The following NINL variants were observed in gnomAD, a reference collection of about 807,000 sequenced individuals.
NINL encodes the protein ninein-like protein.
NINL carries 153 observed loss-of-function variants against 160.3 expected under a neutral mutation model. The ratio of observed to expected loss-of-function variants is 0.95; its 90% CI spans 0.84 to 1.09. The LOEUF is 1.09. NINL is among the 50% of genes least tolerant of loss of function. The pLI is 0.00. For synonymous variants in NINL, 800 were observed against 734.8 expected (o/e 1.09, Z -1.43); for missense variants, 1,829 against 1,764.0 (o/e 1.04, Z -0.66).
chr20:25,511,019 T>A (rs2064060393), intron 4 of NINL, among the ~76,000 whole-genome samples: 1 of 152,116 alleles, frequency 6.6e-6, no homozygotes, highest in Non-Finnish European at 1.5e-5. Context: ...AACCCAGTCA[T>A]CAACAGTTGA....
At chr20:25,503,293 C>T (rs2063902581) in intron 7 of NINL, among the ~76,000 whole-genome samples, 1 of 145,848 alleles carries the variant, frequency 6.9e-6, no homozygotes, top group South Asian at 2.3e-4. Flanking sequence ...ATGTTCCTCA[C>T]CTGAGCACTG....
intron 1 of NINL, among the ~76,000 whole-genome samples, chr20:25,573,761 CCT>C (rs758673528): frequency 1.1e-4 from 17 of 152,160 alleles, no homozygotes; most frequent in Non-Finnish European, 1.8e-4. Flanking sequence ...TGCAGTTTCC[CCT>C]GAGTCAACTA....
intron 14 of NINL, among the ~76,000 whole-genome samples, chr20:25,480,877 C>T (rs1373365215): frequency 1.3e-5 from 2 of 152,160 alleles, no homozygotes; most frequent in Admixed American, 1.3e-4. Context: ...AGGCACCACC[C>T]TGGGTGCAGG....
At position 25,470,004 on chromosome 20, in the gene NINL, G is replaced by A. The variant is rs905794737; in HGVS notation, c.3340C>T (p.His1114Tyr). The A allele has an allele frequency of 1.2e-6, 2 of 1,613,944 alleles. No homozygotes were observed. The highest frequency in any genetic ancestry group is 1.7e-6 in the Non-Finnish European group (2 of 1,179,804). The change falls in exon 18 of 24, where the codon CAC becomes TAC. Residue 1114 changes from histidine (H) to tyrosine (Y), a missense_variant. By Grantham distance (83) the His-to-Tyr change is moderately conservative. Transcript: ENST00000278886. ...CGTGGCCCTTACCTCTGTGCATCGT[G>A]AGTACTTTCTGCAGCTTCAAGCTCT... ...RQELEAAEST[H>Y]DAQRKEIEVL...
intron 17 of NINL, among the ~76,000 whole-genome samples, chr20:25,471,638 C>T (rs570986588): frequency 2.6e-4 from 39 of 152,320 alleles, no homozygotes; most frequent in Admixed American, 1.7e-3. Flanking sequence ...GAAACCAACG[C>T]GTGAGCACTA....
chr20:25,523,191 AGATGT>A (rs2146944817), intron 2 of NINL, among the ~76,000 whole-genome samples: 1 of 152,260 alleles, frequency 6.6e-6, no homozygotes, highest in African/African-American at 2.4e-5. Context: ...TGTTCAATAG[AGATGT>A]GACCATCCTT....
At chr20:25,500,668 A>T (rs1245253114) in intron 8 of NINL, among the ~76,000 whole-genome samples, 172 bp downstream of exon 8, 1 of 152,200 alleles carries the variant, frequency 6.6e-6, no homozygotes, top group African/African-American at 2.4e-5. Flanking sequence ...ATATTTTAGT[A>T]ACAAAAATTA....
chr20:25,469,930 G>A lies in NINL; in HGVS notation c.3353+61C>T, dbSNP rs6083870. 7 of 1,119,084 alleles carry A rather than the reference G, an allele frequency of 6.3e-6. No homozygotes were observed. In the South Asian group the frequency reaches 7.4e-5, roughly 12 times the overall value. The allele number at this position is 1,119,084 out of a possible 1,614,324, so 69.3% of individuals were successfully genotyped here. A position where few individuals can be genotyped will look rare whatever the true frequency, so the allele number is the denominator to read the frequency against. On this transcript the variant is annotated intron_variant, in intron 18 of 23. Transcript: ENST00000278886. ...CACTGTCTATATGGAGACTGCATAA[G>A]GTCACTCTACGGAGGGCAAAACGCA...
intron 2 of NINL, among the ~76,000 whole-genome samples, chr20:25,523,600 C>T (rs2064300935): frequency 6.6e-6 from 1 of 151,650 alleles, no homozygotes; most frequent in Non-Finnish European, 1.5e-5. Flanking sequence ...TATATAATAT[C>T]ATATATGATA....
At chr20:25,486,539 C>G (rs1445704538) in intron 13 of NINL, among the ~76,000 whole-genome samples, 1 of 152,218 alleles carries the variant, frequency 6.6e-6, no homozygotes, top group Non-Finnish European at 1.5e-5. Context: ...AGCACACCAT[C>G]TGGACCCCAT....
In NINL at chr20:25,476,659, G is replaced by T; in HGVS notation, c.2632C>A (p.Arg878Ser). 6.3e-7 allele frequency: 1 copy of T among 1,587,630 alleles called. No homozygotes were observed. Residue 878 changes from arginine (R) to serine (S), a missense_variant, in exon 17 of 24, where the codon CGC becomes AGC. By Grantham distance (110) the Arg-to-Ser change is moderately radical. Coordinates refer to ENST00000278886, the MANE Select transcript of NINL (RefSeq NM_025176.6). ...TCTGTGTCCTGGGCTTGCCTGCGGCGAGGCCCGGCTCCTGCCGCCTCCTCA... is the reference window on the plus strand; with the variant it reads ...TCTGTGTCCTGGGCTTGCCTGCGGCTAGGCCCGGCTCCTGCCGCCTCCTCA... ...ESEEAAGAGPRRRQAQDTEAT... is the reference protein window; with the variant it reads ...ESEEAAGAGPSRRQAQDTEAT...
At chr20:25,553,121 T>TTTTTTG (rs1600330984) in intron 1 of NINL, among the ~76,000 whole-genome samples, 1 of 148,918 alleles carries the variant, frequency 6.7e-6, no homozygotes, top group Non-Finnish European at 1.5e-5. Flanking sequence ...TTTTTTTTTT[T>TTTTTTG]GGAGATGGGG....
In NINL at chr20:25,476,686, ACT is replaced by A. The variant is rs2063255329; in HGVS notation, c.2603_2604del (p.Glu868ValfsTer2). 30 of 1,592,796 alleles carry A rather than the reference ACT, an allele frequency of 1.9e-5. No homozygotes were observed. Among genetic ancestry groups the A allele is most frequent in the Non-Finnish European group, 2.6e-5 (30 of 1,174,720 alleles). ...LAWLAPGDGRESEEAAGAGPR... is the reference protein window; with the variant it reads ...LAWLAPGDGRXSEEAAGAGPR... ...GGCCCGGCTCCTGCCGCCTCCTCAG[ACT>A]CTCTGCCATCACCTGGGGCCAGCCA... On this transcript the variant is annotated frameshift_variant, in exon 17 of 24. Transcript: ENST00000278886. LOFTEE classifies it high-confidence loss of function.
intron 1 of NINL, among the ~76,000 whole-genome samples, chr20:25,532,375 AGGG>A (rs1404693517): frequency 3.9e-5 from 6 of 152,352 alleles, no homozygotes; most frequent in African/African-American, 1.4e-4. Context: ...GCTGGCCAGC[AGGG>A]CTGGCGTCTG....
At chr20:25,554,348 T>C (rs1416732867) in intron 1 of NINL, among the ~76,000 whole-genome samples, 1 of 152,080 alleles carries the variant, frequency 6.6e-6, no homozygotes, top group East Asian at 1.9e-4. Flanking sequence ...GGTAGAGACA[T>C]AGCCCTGGGT....
chr20:25,585,492 G>A lies in NINL; in HGVS notation c.-49C>T, dbSNP rs1006296637. On this transcript the variant is annotated 5_prime_UTR_variant, in exon 1 of 24. Coordinates refer to ENST00000278886, the MANE Select transcript of NINL (RefSeq NM_025176.6). Reference sequence around the variant, plus strand: ...TCCGCCGTCCGCCCGCGCGGGGCCAGGAGCGCGGCACCACCCCCGTACCGC... The same window carrying A: ...TCCGCCGTCCGCCCGCGCGGGGCCAAGAGCGCGGCACCACCCCCGTACCGC... The A allele has an allele frequency of 6.6e-6, 1 of 152,248 alleles. No homozygotes were observed. The highest frequency in any genetic ancestry group is 2.4e-5 in the African/African-American group (1 of 41,454). The allele number at this position is 152,248 out of a possible 1,614,324, so 9.4% of individuals were successfully genotyped here. A position where few individuals can be genotyped will look rare whatever the true frequency, so the allele number is the denominator to read the frequency against.
At chr20:25,545,501 C>T (rs965447493) in intron 1 of NINL, among the ~76,000 whole-genome samples, 3 of 151,982 alleles carry the variant, frequency 2.0e-5, no homozygotes, top group Admixed American at 1.3e-4. Context: ...TGAATGGTGC[C>T]CTCCTCTCAG....
chr20:25,462,516 G>T lies in NINL; in HGVS notation c.3449C>A (p.Ser1150Tyr), dbSNP rs1339088431. The part of the protein sequence containing the change: ...RQNQNYKDQL[S>Y]QLNVRVLQLG... ...TTGAAGAACCCTGACATTGAGCTGG[G>T]ATAATTGATCCTTGTAGTTCTGATT... Residue 1150 changes from serine to tyrosine, a missense_variant, in exon 20 of 24, where the codon TCC (serine) becomes TAC (tyrosine). Physicochemically the swap from Ser to Tyr is moderately radical, Grantham distance 144 (BLOSUM62 -2). Transcript: ENST00000278886. The T allele has an allele frequency of 6.2e-7, 1 of 1,614,056 alleles. No homozygotes were observed. Among genetic ancestry groups the T allele is most frequent in the Non-Finnish European group, 8.5e-7 (1 of 1,180,004 alleles).
chr20:25,521,192 G>A (rs752149969), intron 2 of NINL, among the ~76,000 whole-genome samples: 23 of 152,104 alleles, frequency 1.5e-4, no homozygotes, highest in Non-Finnish European at 2.8e-4. Context: ...TTAATGAATG[G>A]TCTCTTCAGC....
Sources: gnomAD v4.1 joint callset for allele counts (sites outside exome capture counted in the v4.1 genomes callset) on GRCh38, gnomAD v4.1.1 for gene constraint, MANE v1.5 for transcripts, NCBI Gene and HGNC (gene_info 2026-07-23, HGNC 2026-07-21) for gene names.